ATP10B: variants seen among roughly 807,000 people sequenced by gnomAD.
ATP10B encodes phospholipid-transporting ATPase VB.
In ATP10B, 122 loss-of-function variants were observed where a neutral mutation model predicts 141.2. The ratio of observed to expected loss-of-function variants is 0.86; its 90% CI spans 0.75 to 1.00. The LOEUF (loss-of-function observed/expected upper bound fraction) is 1.00. Among genes scored for constraint, ATP10B ranks in the 50% least tolerant of loss-of-function variants. The pLI is 0.00. For missense variants in ATP10B, 1,876 were observed against 1,825.3 expected, an observed-to-expected ratio of 1.03 and a Z score of -0.51; for synonymous variants, 685 against 692.0, an observed-to-expected ratio of 0.99 and a Z score of 0.16.
intron 7 of ATP10B, among the ~76,000 whole-genome samples, chr5:160,668,561 G>A (rs1049385191): frequency 6.6e-6 from 1 of 152,162 alleles, no homozygotes; most frequent in Non-Finnish European, 1.5e-5. Flanking sequence ...TAGCAAATGC[G>A]GCTGTAATAA....
intron 2 of ATP10B, among the ~76,000 whole-genome samples, chr5:160,731,541 A>T (rs922587638): frequency 1.3e-5 from 2 of 152,060 alleles, no homozygotes; most frequent in East Asian, 3.9e-4. Flanking sequence ...TTGTGTGGAG[A>T]ATGGGAGTTG....
At chr5:160,613,007 G>A in intron 17 of ATP10B, 82 bp from the exon 18 acceptor site, 2 of 1,377,628 alleles carry the variant, frequency 1.5e-6, no homozygotes, top group Non-Finnish European at 2.0e-6. Flanking sequence ...GTGAAGCCAG[G>A]CAATGTTTAT....
At chr5:160,716,830 A>C (rs1355577699) in intron 3 of ATP10B, 79 bp downstream of exon 3, 2 of 893,258 alleles carry the variant, frequency 2.2e-6, no homozygotes, top group African/African-American at 3.6e-5. Context: ...GAACCAAAGG[A>C]CTATTGGAGC....
intron 14 of ATP10B, 22 bp downstream of exon 14, chr5:160,622,372 C>T (rs766010019): frequency 5.6e-6 from 9 of 1,595,408 alleles, no homozygotes; most frequent in African/African-American, 1.3e-5. Context: ...ACCCTCCTCC[C>T]CCAGCCATCG....
chr5:160,762,366 A>G (rs1013278890), intron 2 of ATP10B, among the ~76,000 whole-genome samples: 6 of 152,350 alleles, frequency 3.9e-5, no homozygotes, highest in African/African-American at 1.4e-4. Flanking sequence ...TGGATTTCTC[A>G]GCAGAAACCC....
rs1754371425 is a variant in ATP10B, at chr5:160,563,550, C to T, written c.*1903G>A. The T allele has an allele frequency of 6.6e-6, 1 of 152,144 alleles. No homozygotes were observed. Among genetic ancestry groups the T allele is most frequent in the African/African-American group, 2.4e-5 (1 of 41,438 alleles). 9.4% of individuals were successfully genotyped at this position (152,144 alleles called of 1,614,324 possible). On this transcript the variant is annotated 3_prime_UTR_variant, in exon 26 of 26. Coordinates refer to ENST00000327245, the MANE Select transcript of ATP10B (RefSeq NM_025153.3). ...CCTTTTGTTATTACTGAGGGTGTTA[C>T]AGCTTTCAGAGGCTTTTTTACCACT...
chr5:160,913,940 G>C, the ATP10B span, among the ~76,000 whole-genome samples: 1 of 152,124 alleles, frequency 6.6e-6, no homozygotes, highest in Non-Finnish European at 1.5e-5. Context: ...AAAAATATTG[G>C]TTTCTCTCTA....
rs766757796 is a variant in ATP10B at position 160,688,116 on chromosome 5, G to T, written c.-20-22C>A. 2.5e-6 allele frequency: 4 copies of T among 1,591,540 alleles called. No homozygotes were observed. In the South Asian group the frequency reaches 4.6e-5, roughly 18 times the overall value. On this transcript the variant is annotated intron_variant, in intron 4 of 25. Coordinates refer to ENST00000327245, the MANE Select transcript of ATP10B (RefSeq NM_025153.3). ...AGATCTGAAAACAGACACAGGAGGAGCTATGTTTAGGAGAAACGTGCAGCA... is the reference window on the plus strand; with the variant it reads ...AGATCTGAAAACAGACACAGGAGGATCTATGTTTAGGAGAAACGTGCAGCA...
the ATP10B span, among the ~76,000 whole-genome samples, chr5:160,893,462 G>A: frequency 1.3e-5 from 2 of 152,120 alleles, no homozygotes; most frequent in Admixed American, 6.5e-5. Context: ...CCACTGCAGC[G>A]ATGCATAGCC....
intron 7 of ATP10B, among the ~76,000 whole-genome samples, chr5:160,663,569 C>T (rs1056000675): frequency 5.3e-5 from 8 of 152,126 alleles, no homozygotes; most frequent in African/African-American, 1.9e-4. Flanking sequence ...TGTTCTCACT[C>T]ATAGATGGGA....
chr5:160,570,300 G>A (rs1313389261), intron 24 of ATP10B, among the ~76,000 whole-genome samples: 1 of 151,488 alleles, frequency 6.6e-6, no homozygotes, highest in African/African-American at 2.4e-5. Flanking sequence ...CTTTATTCTA[G>A]GAATATTCAA....
In ATP10B at chr5:160,755,543, C is replaced by T. The variant is rs150722123; in HGVS notation, c.-331+30016G>A. On this transcript the variant is annotated intron_variant, in intron 2 of 25. Transcript: ENST00000327245. ...TAAAATATATATTATAGTCCGGGCG[C>T]GGTGGCTCACGCCTGTAATCCCAGC... Among the ~76,000 whole-genome samples, 392 of 150,920 alleles carry T rather than the reference C, an allele frequency of 2.6e-3. 1 individual carries two copies. The highest frequency in any genetic ancestry group is 0.01 in the Middle Eastern group (3 of 290).
intron 1 of ATP10B, among the ~76,000 whole-genome samples, chr5:160,848,893 C>T (rs914924804): frequency 1.3e-5 from 2 of 152,150 alleles, no homozygotes. Context: ...ATCATGGTAC[C>T]TGTTCTTCAC....
At chr5:160,603,943 G>A (rs1188796148) in intron 20 of ATP10B, 22 bp downstream of exon 20, 3 of 1,598,432 alleles carry the variant, frequency 1.9e-6, no homozygotes, top group Non-Finnish European at 8.6e-7. Flanking sequence ...AAAGAAAGAA[G>A]AATAGTTGCA....
intron 2 of ATP10B, among the ~76,000 whole-genome samples, chr5:160,777,697 G>C (rs143724566): frequency 5.3e-4 from 80 of 152,210 alleles, no homozygotes; most frequent in Non-Finnish European, 1.0e-3. Context: ...TCAGCAAAAA[G>C]CTACCAAACA....
chr5:160,729,790 G>A (rs2127792356), intron 2 of ATP10B, among the ~76,000 whole-genome samples: 1 of 152,306 alleles, frequency 6.6e-6, no homozygotes, highest in Non-Finnish European at 1.5e-5. Context: ...GGGTTGTAGA[G>A]TGAGGTGGGG....
chr5:160,818,321 C>T (rs908636288), intron 1 of ATP10B, among the ~76,000 whole-genome samples: 3 of 152,098 alleles, frequency 2.0e-5, no homozygotes, highest in African/African-American at 7.2e-5. Flanking sequence ...CAAACAACCC[C>T]ATCAAAAAGT....
At chr5:160,595,295 G>A (rs556161305) in intron 22 of ATP10B, among the ~76,000 whole-genome samples, 1 of 151,946 alleles carries the variant, frequency 6.6e-6, no homozygotes, top group Non-Finnish European at 1.5e-5. Context: ...ATGACTACTG[G>A]GTACATAACG....
intron 2 of ATP10B, among the ~76,000 whole-genome samples, chr5:160,740,619 TA>T (rs1489431965): frequency 6.6e-6 from 1 of 152,226 alleles, no homozygotes; most frequent in African/African-American, 2.4e-5. Flanking sequence ...ATCCCAGTAC[TA>T]GATTCATTTT....
Sources: allele counts gnomAD v4.1 joint callset (sites outside exome capture counted in the v4.1 genomes callset), GRCh38; gene constraint gnomAD v4.1.1; transcripts MANE v1.5; gene names NCBI Gene and HGNC (gene_info 2026-07-23, HGNC 2026-07-21).